The following UNC13B variants were observed in gnomAD, a reference collection of about 807,000 sequenced individuals.
The protein encoded by UNC13B is unc-13 homolog B.
Under a neutral mutation model 211.0 loss-of-function variants are expected in UNC13B, and 144 were observed. The observed-to-expected ratio is 0.68, with a 90% CI of 0.60 to 0.78. The LOEUF (loss-of-function observed/expected upper bound fraction) is 0.78. Ranked by LOEUF, UNC13B falls within the 30% of genes least tolerant of loss-of-function variation. The probability of loss-of-function intolerance (pLI) is 0.00; values close to 1 mark genes in which losing one functional copy is unlikely to be tolerated. For missense variants in UNC13B, 1,777 were observed against 2,002.0 expected (o/e 0.89, Z 2.14); for synonymous variants, 709 against 725.8 (o/e 0.98, Z 0.37).
intron 1 of UNC13B, among the ~76,000 whole-genome samples, chr9:35,168,048 A>G (rs534580409): frequency 6.6e-5 from 10 of 151,974 alleles, no homozygotes; most frequent in African/African-American, 2.2e-4. Flanking sequence ...TCTCCTGAGT[A>G]GCTGGGACTA....
chr9:35,400,283 T>C lies in UNC13B; in HGVS notation c.12337-13T>C. ...GGGGATGAAGCAGTCACGGGTGCTC[T>C]TTTATCTTGCAGCAATACTTCCATG... is the stretch of plus-strand genomic sequence containing the variant. On this transcript the variant is annotated splice_polypyrimidine_tract_variant and intron_variant, in intron 36 of 39. Coordinates refer to ENST00000635942, the MANE Select transcript of UNC13B (RefSeq NM_001371189.2). 1 of 1,613,144 alleles carries C rather than the reference T, an allele frequency of 6.2e-7. No individual in the cohort carries two copies.
At chr9:35,164,027 C>A (rs945771140) in intron 1 of UNC13B, among the ~76,000 whole-genome samples, 2 of 152,016 alleles carry the variant, frequency 1.3e-5, no homozygotes, top group South Asian at 4.2e-4. Context: ...ATTTCTTTTT[C>A]TTTTTTTGAG....
chr9:35,227,884 T>A, intron 1 of UNC13B, 131 bp from the exon 2 acceptor site: 6 of 681,776 alleles, frequency 8.8e-6, no homozygotes, highest in South Asian at 7.9e-5. Flanking sequence ...AAGTCTCAGC[T>A]TTTTTTCTCC....
chr9:35,400,537 CAGTTACTT>C (rs1836231871), intron 37 of UNC13B, 94 bp downstream of exon 37: 1 of 1,421,932 alleles, frequency 7.0e-7, no homozygotes, highest in African/African-American at 1.4e-5. Context: ...GGAGCAGATC[CAGTTACTT>C]CTTCAGAGAG....
At chr9:35,397,843 C>T (rs1835991049) in intron 30 of UNC13B, 131 bp downstream of exon 30, 1 of 901,392 alleles carries the variant, frequency 1.1e-6, no homozygotes, top group East Asian at 2.6e-5. Flanking sequence ...GGCTTTGCTT[C>T]AGATCCATGC....
At position 35,231,233 on chromosome 9, in the gene UNC13B, A is replaced by G. The variant is rs1404266792; in HGVS notation, c.152+14A>G. On this transcript the variant is annotated intron_variant, in intron 3 of 39. Coordinates refer to ENST00000635942, the MANE Select transcript of UNC13B (RefSeq NM_001371189.2). ...GGATTTCATGTTGTAAGTATTTTGCAGCAGCAGTGTGCCTACATATTTTAT... is the reference window on the plus strand; with the variant it reads ...GGATTTCATGTTGTAAGTATTTTGCGGCAGCAGTGTGCCTACATATTTTAT... The G allele has an allele frequency of 8.5e-6, 13 of 1,537,642 alleles. No homozygotes were observed. In the Admixed American group the frequency reaches 2.2e-4, roughly 26 times the overall value.
In UNC13B at chr9:35,403,905, C is replaced by A; in HGVS notation, c.12895C>A (p.Arg4299=). 6.2e-7 allele frequency: 1 copy of A among 1,614,046 alleles called. No individual in the cohort carries two copies. The highest frequency in any genetic ancestry group is 8.5e-7 in the Non-Finnish European group (1 of 1,180,002). ...GSCACWCPLG[R]KIHMDETGLT... is the part of the protein sequence containing the mutation. ...CTGTGCCTGCTGGTGCCCCTTGGGC[C>A]GGAAGATCCATATGGATGAGACAGG... The change falls in exon 40 of 40, where the codon CGG becomes AGG. Residue 4299 remains arginine (R), a synonymous_variant. Transcript: ENST00000635942.
intron 1 of UNC13B, among the ~76,000 whole-genome samples, chr9:35,182,227 A>T (rs1821975661): frequency 6.6e-6 from 1 of 151,600 alleles, no homozygotes; most frequent in South Asian, 2.1e-4. Context: ...TTGAAAGTTG[A>T]CTCCTCTATT....
intron 15 of UNC13B, among the ~76,000 whole-genome samples, chr9:35,377,176 G>A (rs904487214): frequency 6.6e-6 from 1 of 152,208 alleles, no homozygotes; most frequent in East Asian, 1.9e-4. Flanking sequence ...GCCTCAAATT[G>A]GTGCCAATGG....
chr9:35,251,997 A>G (rs1644097629), intron 6 of UNC13B, among the ~76,000 whole-genome samples: 2 of 152,090 alleles, frequency 1.3e-5, no homozygotes, highest in South Asian at 4.2e-4. Context: ...AGCTCCTTGA[A>G]TCATCTTAGC....
In UNC13B at chr9:35,310,764, C is replaced by T. The variant is rs563823101; in HGVS notation, c.9306C>T (p.Phe3102=). The T allele has an allele frequency of 1.2e-6, 2 of 1,613,672 alleles. No individual in the cohort carries two copies. The highest frequency in any genetic ancestry group is 2.2e-5 in the South Asian group (2 of 91,028). Residue 3102 remains phenylalanine, a synonymous_variant, in exon 10 of 40, where the codon TTC becomes TTT. Transcript: ENST00000635942. Reference sequence around the variant, plus strand: ...ATCTGGTGCTGCAAAAAGACCACTTCCTAGGTCCCCAGGAGAGGTAGGCAA... The same window carrying T: ...ATCTGGTGCTGCAAAAAGACCACTTTCTAGGTCCCCAGGAGAGGTAGGCAA... ...PPDLVLQKDH[F]LGPQESFPEE... is the part of the protein sequence containing the mutation.
intron 11 of UNC13B, among the ~76,000 whole-genome samples, chr9:35,356,145 A>G (rs765634730): frequency 1.3e-5 from 2 of 152,214 alleles, no homozygotes; most frequent in East Asian, 3.8e-4. Flanking sequence ...AATCATGGAC[A>G]GGGTGCTCCA....
At chr9:35,249,926 C>T (rs570956361) in intron 6 of UNC13B, among the ~76,000 whole-genome samples, 35 of 152,280 alleles carry the variant, frequency 2.3e-4, no homozygotes, top group African/African-American at 8.2e-4. Flanking sequence ...ATCCTCTCTT[C>T]CACTGTGCTG....
intron 1 of UNC13B, among the ~76,000 whole-genome samples, chr9:35,195,487 A>G (rs2381223): frequency 0.98 from 149,635 of 152,242 alleles, 73,585 homozygotes; most frequent in East Asian, 1. Flanking sequence ...CTGTGTCACA[A>G]GCCATGGGTC....
At chr9:35,239,209 G>A (rs932725002) in intron 5 of UNC13B, among the ~76,000 whole-genome samples, 3 of 152,002 alleles carry the variant, frequency 2.0e-5, no homozygotes, top group African/African-American at 7.3e-5. Context: ...TTCAGCCCCC[G>A]ATATTTCACG....
intron 11 of UNC13B, chr9:35,361,700 A>G (rs904813562): frequency 6.6e-6 from 1 of 152,262 alleles, no homozygotes; most frequent in African/African-American, 2.4e-5. Flanking sequence ...AAACAGTATT[A>G]ACAACATACT....
chr9:35,322,671 TTG>T (rs1371115839), intron 11 of UNC13B, among the ~76,000 whole-genome samples: 1 of 152,146 alleles, frequency 6.6e-6, no homozygotes, highest in Non-Finnish European at 1.5e-5. Flanking sequence ...GACTTCCTTC[TTG>T]TTCTATAATT....
intron 37 of UNC13B, among the ~76,000 whole-genome samples, chr9:35,402,515 C>T (rs575594251): frequency 2.6e-5 from 4 of 152,168 alleles, no homozygotes; most frequent in African/African-American, 7.2e-5. Context: ...ATCTCCTGAC[C>T]TCGTGATCCC....
intron 7 of UNC13B, among the ~76,000 whole-genome samples, chr9:35,259,251 G>C (rs963163819): frequency 2.0e-5 from 3 of 152,052 alleles, no homozygotes; most frequent in Non-Finnish European, 4.4e-5. Context: ...GTTTTGTATG[G>C]GGGGAGTAGG....
Sources: allele counts gnomAD v4.1 joint callset (sites outside exome capture counted in the v4.1 genomes callset), GRCh38; gene constraint gnomAD v4.1.1; transcripts MANE v1.5; gene names NCBI Gene and HGNC (gene_info 2026-07-23, HGNC 2026-07-21).